The following CDH13 variants were observed in gnomAD, a reference collection of about 807,000 sequenced individuals.
CDH13 encodes the protein cadherin 13.
A neutral mutation model predicts 63.8 loss-of-function variants in CDH13; 24 were observed. The ratio of observed to expected loss-of-function variants is 0.38; its 90% CI spans 0.27 to 0.53. CDH13 has a LOEUF of 0.53. Ranked by LOEUF, CDH13 falls within the 20% of genes least tolerant of loss-of-function variation. The pLI, the probability that CDH13 is intolerant of heterozygous loss-of-function variation, is 0.85. For synonymous variants in CDH13, 503 were observed against 355.3 expected, an observed-to-expected ratio of 1.42 and a Z score of -4.67; for missense variants, 1,049 against 903.1, an observed-to-expected ratio of 1.16 and a Z score of -2.07.
At chr16:83,478,478 C>T (rs2073670443) in intron 6 of CDH13, among the ~76,000 whole-genome samples, 1 of 152,116 alleles carries the variant, frequency 6.6e-6, no homozygotes, top group African/African-American at 2.4e-5. Context: ...TTCATCAAAA[C>T]TCACATTATC....
chr16:82,830,309 T>A (rs1241403334), intron 1 of CDH13, among the ~76,000 whole-genome samples: 2 of 152,204 alleles, frequency 1.3e-5, no homozygotes, highest in Non-Finnish European at 2.9e-5. Flanking sequence ...CTATTAGAGG[T>A]ACTGTGCTAG....
intron 5 of CDH13, among the ~76,000 whole-genome samples, chr16:83,246,396 C>T (rs898250794): frequency 2.0e-5 from 3 of 152,148 alleles, no homozygotes; most frequent in Non-Finnish European, 2.9e-5. Flanking sequence ...AGATCACATT[C>T]CTAATCTTCA....
intron 5 of CDH13, among the ~76,000 whole-genome samples, chr16:83,246,476 T>G (rs1342852457): frequency 6.6e-6 from 1 of 152,170 alleles, no homozygotes; most frequent in Admixed American, 6.5e-5. Context: ...CACTAGCTCT[T>G]AATCCTATCA....
At chr16:83,629,234 C>T (rs1282763554) in intron 8 of CDH13, among the ~76,000 whole-genome samples, 1 of 152,176 alleles carries the variant, frequency 6.6e-6, no homozygotes, top group Non-Finnish European at 1.5e-5. Flanking sequence ...ATAGAGATTG[C>T]CCAAAGAAGT....
At chr16:82,683,326 C>T (rs186730757) in intron 1 of CDH13, among the ~76,000 whole-genome samples, 8 of 152,186 alleles carry the variant, frequency 5.3e-5, no homozygotes, top group Admixed American at 2.6e-4. Flanking sequence ...CCAACCTCCC[C>T]GCTTTCTGGT....
chr16:83,482,545 C>G (rs770434454), intron 6 of CDH13, among the ~76,000 whole-genome samples: 10 of 152,164 alleles, frequency 6.6e-5, no homozygotes, highest in Non-Finnish European at 1.2e-4. Flanking sequence ...TTCCTCGGAA[C>G]CAATTTAGAG....
chr16:82,982,855 C>G (rs753492050), intron 2 of CDH13, among the ~76,000 whole-genome samples: 1 of 152,156 alleles, frequency 6.6e-6, no homozygotes, highest in Non-Finnish European at 1.5e-5. Flanking sequence ...GTCTTTCTGT[C>G]AACTTTCAGT....
chr16:83,149,137 G>A (rs1016946284), intron 4 of CDH13, among the ~76,000 whole-genome samples: 2 of 152,142 alleles, frequency 1.3e-5, no homozygotes, highest in African/African-American at 2.4e-5. Flanking sequence ...TCTATGGTAA[G>A]GTTGGAATTA....
chr16:82,793,540 T>G (rs2036422919), intron 1 of CDH13, among the ~76,000 whole-genome samples: 1 of 152,208 alleles, frequency 6.6e-6, no homozygotes, highest in Non-Finnish European at 1.5e-5. Context: ...GAATGGTTAT[T>G]CTCATTTCCA....
At chr16:83,294,842 A>C (rs1442894350) in intron 5 of CDH13, among the ~76,000 whole-genome samples, 1 of 152,144 alleles carries the variant, frequency 6.6e-6, no homozygotes, top group Non-Finnish European at 1.5e-5. Context: ...TCTATATTAA[A>C]ATATCAATGA....
chr16:82,826,415 T>C (rs2038256536), intron 1 of CDH13: 1 of 152,194 alleles, frequency 6.6e-6, no homozygotes. Flanking sequence ...CTACATACAA[T>C]ATCGAATTCA....
At chr16:83,388,460 A>G (rs981978582) in intron 6 of CDH13, among the ~76,000 whole-genome samples, 4 of 152,028 alleles carry the variant, frequency 2.6e-5, no homozygotes, top group Admixed American at 6.6e-5. Context: ...CAAAAAAATC[A>G]CATTTCTGGC....
At chr16:82,887,259 T>C (rs2040921908) in intron 2 of CDH13, among the ~76,000 whole-genome samples, 1 of 152,172 alleles carries the variant, frequency 6.6e-6, no homozygotes, top group Admixed American at 6.5e-5. Context: ...TTGTGACTAC[T>C]ACACAAAAGT....
At chr16:83,418,772 G>T (rs12449238) in intron 6 of CDH13, among the ~76,000 whole-genome samples, 28,661 of 152,034 alleles carry the variant, frequency 0.19, 3,359 homozygotes, top group East Asian at 0.63. Flanking sequence ...GACCACCAGG[G>T]GACAGCAGGA....
At chr16:82,696,083 C>T (rs1215413058) in intron 1 of CDH13, among the ~76,000 whole-genome samples, 5 of 152,094 alleles carry the variant, frequency 3.3e-5, no homozygotes, top group African/African-American at 2.4e-5. Flanking sequence ...TGTGCTTGAC[C>T]AGGGAAAGCC....
intron 3 of CDH13, among the ~76,000 whole-genome samples, chr16:83,045,610 C>G (rs926104346): frequency 4.6e-5 from 6 of 131,086 alleles, no homozygotes; most frequent in Non-Finnish European, 3.1e-5. Context: ...GCAGTGTAGT[C>G]TGGGCGACAG....
At chr16:82,975,660 C>CAACT (rs1479440423) in intron 2 of CDH13, among the ~76,000 whole-genome samples, 1 of 152,224 alleles carries the variant, frequency 6.6e-6, no homozygotes, top group Non-Finnish European at 1.5e-5. Flanking sequence ...TTACATTCCT[C>CAACT]AACTCCAAGA....
chr16:83,164,909 T>C (rs1395627241), intron 4 of CDH13, among the ~76,000 whole-genome samples: 1 of 151,812 alleles, frequency 6.6e-6, no homozygotes, highest in Non-Finnish European at 1.5e-5. Context: ...AAAACACTAA[T>C]GCTTGGAGAG....
chr16:83,260,921 T>TG (rs1013263084), intron 5 of CDH13, among the ~76,000 whole-genome samples: 25 of 152,036 alleles, frequency 1.6e-4, no homozygotes, highest in African/African-American at 5.3e-4. Flanking sequence ...CACCAGGTCT[T>TG]GGGGGGCGGC....
Sources: allele counts gnomAD v4.1 joint callset (sites outside exome capture counted in the v4.1 genomes callset), GRCh38; gene constraint gnomAD v4.1.1; transcripts MANE v1.5; gene names NCBI Gene and HGNC (gene_info 2026-07-23, HGNC 2026-07-21).